The following OBSL1 variants were observed in gnomAD, a reference collection of about 807,000 sequenced individuals.
OBSL1 encodes the protein obscurin-like protein 1.
OBSL1 carries 160 observed loss-of-function variants against 172.0 expected under a neutral mutation model. The observed-to-expected ratio is 0.93, with a 90% CI of 0.82 to 1.06. The LOEUF is 1.06. OBSL1 is among the 50% of genes least tolerant of loss of function. The pLI, the probability that OBSL1 is intolerant of heterozygous loss-of-function variation, is 0.00. For synonymous variants in OBSL1, 1,200 were observed against 1,196.3 expected, an observed-to-expected ratio of 1.00 and a Z score of -0.06; for missense variants, 2,681 against 2,715.4, an observed-to-expected ratio of 0.99 and a Z score of 0.28.
rs1171825373 is a variant in OBSL1 at position 219,552,927 on chromosome 2, C to T, written c.5087G>A (p.Gly1696Glu). Reference sequence around the variant, plus strand: ...CGTCCCCACCGCGCAGCTGTAGGTCCCGGCGTCCGAGGGGCCGCAGCGTCG... The same window carrying T: ...CGTCCCCACCGCGCAGCTGTAGGTCTCGGCGTCCGAGGGGCCGCAGCGTCG... ...QLRRCGPSDA[G>E]TYSCAVGTAR... is the part of the protein sequence containing the mutation. The change falls in exon 17 of 21, where the codon GGG becomes GAG. Residue 1696 changes from glycine to glutamate, a missense_variant. This residue lies in a region of OBSL1 where 1,765 missense variants were observed against 1,748.3 expected (regional missense o/e 1.01). Coordinates refer to ENST00000404537, the MANE Select transcript of OBSL1 (RefSeq NM_015311.3). 1.3e-6 allele frequency: 2 copies of T among 1,537,494 alleles called. No homozygotes were observed. Among genetic ancestry groups the T allele is most frequent in the Non-Finnish European group, 8.7e-7 (1 of 1,144,584 alleles).
rs765740059 is a variant in OBSL1, at chr2:219,551,778, G to A, written c.5434C>T (p.Arg1812Cys). The A allele has an allele frequency of 5.9e-5, 94 of 1,588,816 alleles. 1 individual carries two copies. The South Asian group carries it at 7.8e-4, about 13-fold the overall frequency. ...EVEALPLQMC[R>C]HPPREKTVLV... is the part of the protein sequence containing the mutation. ...ACGGTCTTCTCGCGAGGGGGGTGGC[G>A]GCACATCTGGAGAGGCAATGCTGGG... is the stretch of plus-strand genomic sequence containing the variant. The change falls in exon 20 of 21, where the codon CGC becomes TGC. Residue 1812 changes from arginine to cysteine, a missense_variant. This residue lies in a region of OBSL1 where 1,765 missense variants were observed against 1,748.3 expected (regional missense o/e 1.01). Transcript: ENST00000404537.
Position 219,567,873 on chromosome 2 carries a change from C to T in OBSL1, c.1379G>A (p.Arg460His), listed in dbSNP as rs752838692. The stretch of plus-strand genomic sequence containing the variant: ...CAGCTCCTCCCCATCACGGCTCCAG[C>T]GTCCCTCGACCCCGGCCTCTAGAGT... ...VETLEAGVEG[R>H]WSRDGEELPV... Residue 460 changes from arginine to histidine, a missense_variant, in exon 3 of 21, where the codon CGC becomes CAC. Arg to His is a conservative substitution (Grantham distance 29). Coordinates refer to ENST00000404537, the MANE Select transcript of OBSL1 (RefSeq NM_015311.3). 1.2e-5 allele frequency: 19 copies of T among 1,613,918 alleles called. No homozygotes were observed. The Admixed American group carries it at 1.5e-4, about 13-fold the overall frequency.
rs957665945 is a variant in OBSL1 at position 219,556,841 on chromosome 2, C to G, written c.4067-118G>C. On this transcript the variant is annotated intron_variant, in intron 12 of 20. Coordinates refer to ENST00000404537, the MANE Select transcript of OBSL1 (RefSeq NM_015311.3). The stretch of plus-strand genomic sequence containing the variant: ...CATTTAACAGACCTTCTGTGAGGAC[C>G]TACTATGTATCGACCACACCGATGG... The G allele has an allele frequency of 6.1e-6, 7 of 1,147,140 alleles. No homozygotes were observed. In the African/African-American group the frequency reaches 1.1e-4, roughly 18 times the overall value. The allele number at this position is 1,147,140 out of a possible 1,614,324, so 71.1% of individuals were successfully genotyped here.
chr2:219,565,158 G>A (rs2106082829), intron 6 of OBSL1, 84 bp downstream of exon 6: 1 of 1,419,124 alleles, frequency 7.0e-7, no homozygotes, highest in African/African-American at 1.4e-5. Flanking sequence ...ACTCCCCCAA[G>A]TAGGCAGCAG....
At chr2:219,559,605 G>A (rs1696312944) in intron 8 of OBSL1, 108 bp from the exon 9 acceptor site, 1 of 991,906 alleles carries the variant, frequency 1.0e-6, no homozygotes, top group Non-Finnish European at 1.5e-6. Flanking sequence ...AGAATAATAA[G>A]TAAAATAATA....
intron 15 of OBSL1, 80 bp downstream of exon 15, chr2:219,554,394 G>A: frequency 2.0e-6 from 3 of 1,513,626 alleles, no homozygotes; most frequent in East Asian, 2.3e-5. Flanking sequence ...GGGGTCACAC[G>A]AGTTGGGGGT....
Position 219,563,469 on chromosome 2 carries a change from C to T in OBSL1, c.2566G>A (p.Glu856Lys), listed in dbSNP as rs769091599. ...AGGCGGCGATGGGGCCCCTCATTCT[C>T]CAGCACCACGAAGTCACTCTCCTCC... ...EVEESDFVVL[E>K]NEGPHRRLVL... Residue 856 changes from glutamate to lysine, a missense_variant, in exon 7 of 21, where the codon GAG becomes AAG. Physicochemically the swap from Glu to Lys is moderately conservative, Grantham distance 56 (BLOSUM62 1). This residue lies in a region of OBSL1 where 1,765 missense variants were observed against 1,748.3 expected (regional missense o/e 1.01). Transcript: ENST00000404537. 6.2e-7 allele frequency: 1 copy of T among 1,613,844 alleles called. No individual in the cohort carries two copies. Among genetic ancestry groups the T allele is most frequent in the Non-Finnish European group, 8.5e-7 (1 of 1,179,868 alleles).
chr2:219,547,900 C>T (rs751214790), downstream of OBSL1: 17 of 1,596,410 alleles, frequency 1.1e-5, no homozygotes, highest in East Asian at 2.2e-5. Context: ...TCGCCACTGC[C>T]GCTGACTACT....
At chr2:219,557,708 G>A in intron 11 of OBSL1, 90 bp from the exon 12 acceptor site, 1 of 1,525,344 alleles carries the variant, frequency 6.6e-7, no homozygotes, top group South Asian at 1.3e-5. Context: ...GGTACTGAGA[G>A]AAGTGGGGCC....
chr2:219,554,688 C>A lies in OBSL1; in HGVS notation c.4662G>T (p.Gly1554=). Residue 1554 remains glycine, a synonymous_variant, in exon 15 of 21, where the codon GGG becomes GGT. Coordinates refer to ENST00000404537, the MANE Select transcript of OBSL1 (RefSeq NM_015311.3). ...RPLEDVTISE[G]GSATFQLELS... ...GCTCCAGCTGGAAGGTGGCACTGCCCCCCTCACTGATGGTCACGTCCTCCA... is the reference window on the plus strand; with the variant it reads ...GCTCCAGCTGGAAGGTGGCACTGCCACCCTCACTGATGGTCACGTCCTCCA... The A allele has an allele frequency of 6.3e-7, 1 of 1,589,286 alleles. No individual in the cohort carries two copies. Among genetic ancestry groups the A allele is most frequent in the Admixed American group, 1.8e-5 (1 of 56,174 alleles).
Position 219,563,412 on chromosome 2 carries a change from C to T in OBSL1, c.2623G>A (p.Gly875Ser), listed in dbSNP as rs1370485556. The change falls in exon 7 of 21, where the codon GGC becomes AGC. Residue 875 changes from glycine (G) to serine (S), a missense_variant. Coordinates refer to ENST00000404537, the MANE Select transcript of OBSL1 (RefSeq NM_015311.3). Reference protein sequence around the residue: ...VLPATQPSDGGEFQCVAGDEC... With the variant: ...VLPATQPSDGSEFQCVAGDEC... ...TCTCCAGCGACGCACTGAAACTCGC[C>T]CCCGTCTGAGGGCTGGGTGGCGGGC... The T allele has an allele frequency of 6.2e-7, 1 of 1,610,514 alleles. No homozygotes were observed. The highest frequency in any genetic ancestry group is 2.2e-5 in the East Asian group (1 of 44,842).
At chr2:219,569,133 G>C (rs1697152550) in intron 1 of OBSL1, 1 of 151,996 alleles carries the variant, frequency 6.6e-6, no homozygotes, top group Non-Finnish European at 1.5e-5. Flanking sequence ...GGATTAACTA[G>C]GGCTGCTGGA....
Position 219,551,776 on chromosome 2 carries a change from G to C in OBSL1, c.5436C>G (p.Arg1812=). ...GAACGGTCTTCTCGCGAGGGGGGTG[G>C]CGGCACATCTGGAGAGGCAATGCTG... ...EVEALPLQMC[R]HPPREKTVLV... Residue 1812 remains arginine (R), a synonymous_variant, in exon 20 of 21, where the codon CGC becomes CGG. Transcript: ENST00000404537. The C allele has an allele frequency of 6.3e-7, 1 of 1,590,440 alleles. No homozygotes were observed. The highest frequency in any genetic ancestry group is 8.6e-7 in the Non-Finnish European group (1 of 1,166,362).
chr2:219,548,379 A>C (rs768817255), downstream of OBSL1, among the ~76,000 whole-genome samples: 30 of 152,386 alleles, frequency 2.0e-4, no homozygotes, highest in Non-Finnish European at 1.5e-4. Context: ...ACAGAGATGC[A>C]AACAAACATG....
intron 18 of OBSL1, 74 bp from the exon 19 acceptor site, chr2:219,552,290 C>A: frequency 7.2e-7 from 1 of 1,379,334 alleles, no homozygotes. Flanking sequence ...GGGGGCCCAG[C>A]AGGCCCCTGG....
Position 219,567,875 on chromosome 2 carries a change from T to C in OBSL1, c.1377A>G (p.Gly459=), listed in dbSNP as rs1422950559. The change falls in exon 3 of 21, where the codon GGA becomes GGG. Residue 459 remains glycine (G), a synonymous_variant. Coordinates refer to ENST00000404537, the MANE Select transcript of OBSL1 (RefSeq NM_015311.3). ...GCTCCTCCCCATCACGGCTCCAGCG[T>C]CCCTCGACCCCGGCCTCTAGAGTTT... The part of the protein sequence containing the change: ...LVETLEAGVE[G]RWSRDGEELP... 2 of 1,613,766 alleles carry C rather than the reference T, an allele frequency of 1.2e-6. No individual in the cohort carries two copies. Among genetic ancestry groups the C allele is most frequent in the Non-Finnish European group, 1.7e-6 (2 of 1,179,898 alleles).
At chr2:219,569,339 G>T (rs888810180) in intron 1 of OBSL1, 11 of 152,320 alleles carry the variant, frequency 7.2e-5, no homozygotes, top group African/African-American at 2.6e-4. Flanking sequence ...GGACTCAGGA[G>T]AATTTACCAA....
rs1574555761 is a variant in OBSL1 at position 219,562,542 on chromosome 2, ACCT to A, written c.2810_2812del (p.Glu937del). Reference sequence around the variant, plus strand: ...CAGGAGCAGCGCGGGGCTCTCCACCACCTCCTCTCCATCCTTGGTCCAGCGCAC... The same window carrying A: ...CAGGAGCAGCGCGGGGCTCTCCACCACCTCTCCATCCTTGGTCCAGCGCAC... On this transcript the variant is annotated inframe_deletion, in exon 8 of 21. Transcript: ENST00000404537. 2 of 1,613,440 alleles carry A rather than the reference ACCT, an allele frequency of 1.2e-6. No individual in the cohort carries two copies. Among genetic ancestry groups the A allele is most frequent in the East Asian group, 4.5e-5 (2 of 44,844 alleles).
In OBSL1 at chr2:219,563,528, G is replaced by T. The variant is rs1444085401; in HGVS notation, c.2507C>A (p.Ala836Asp). 1 of 1,613,842 alleles carries T rather than the reference G, an allele frequency of 6.2e-7. No homozygotes were observed. The highest frequency in any genetic ancestry group is 8.5e-7 in the Non-Finnish European group (1 of 1,179,892). ...MLACEVDRED[A>D]PVRWYKDGQE... ...CCCGTCCTTGTACCAACGCACAGGG[G>T]CGTCCTCTCGGTCCACCTCACAGGC... The change falls in exon 7 of 21, where the codon GCC (alanine) becomes GAC (aspartate). Residue 836 changes from alanine to aspartate, a missense_variant. Ala to Asp is a moderately radical substitution (Grantham distance 126). This residue lies in a region of OBSL1 where 1,765 missense variants were observed against 1,748.3 expected (regional missense o/e 1.01). Coordinates refer to ENST00000404537, the MANE Select transcript of OBSL1 (RefSeq NM_015311.3).
Sources: gnomAD v4.1 joint callset for allele counts (sites outside exome capture counted in the v4.1 genomes callset) on GRCh38, gnomAD v4.1.1 for gene constraint, gnomAD v4.1.1 regional missense constraint, MANE v1.5 for transcripts, NCBI Gene and HGNC (gene_info 2026-07-23, HGNC 2026-07-21) for gene names.